The following MARVELD3 variants were observed in gnomAD, a reference collection of about 807,000 sequenced individuals.
MARVELD3 encodes the protein MARVEL domain-containing protein 3.
A neutral mutation model predicts 33.5 loss-of-function variants in MARVELD3; 28 were observed. The observed-to-expected ratio is 0.84, with a 90% CI of 0.62 to 1.15. The LOEUF is 1.15. Ranked by LOEUF, MARVELD3 falls within the 50% of genes most tolerant of loss-of-function variation. The pLI, the probability that MARVELD3 is intolerant of heterozygous loss-of-function variation, is 0.00. For synonymous variants in MARVELD3, 241 were observed against 230.4 expected (o/e 1.05, Z -0.42); for missense variants, 582 against 547.6 (o/e 1.06, Z -0.63).
intron 2 of MARVELD3, among the ~76,000 whole-genome samples, chr16:71,632,122 TCTTTC>T (rs2044539513): frequency 1.3e-5 from 2 of 152,240 alleles, no homozygotes; most frequent in Non-Finnish European, 1.5e-5. Context: ...TTTCTAACCT[TCTTTC>T]CTTTCATACA....
In MARVELD3 at chr16:71,626,709, G is replaced by T. The variant is rs945198185; in HGVS notation, c.467+13G>T. On this transcript the variant is annotated intron_variant, in intron 1 of 2. Coordinates refer to ENST00000268485, the MANE Select transcript of MARVELD3 (RefSeq NM_052858.6). This position sits in a 1 kb window ranked among gnomAD's most constrained non-coding sequence, Gnocchi z 5.3. ...GCAGACCCGAAAGGTGAGAGGGGCC[G>T]GGGCGCTGCGACCTCCGCGCCGGGG... 1.4e-6 allele frequency: 2 copies of T among 1,440,132 alleles called. No individual in the cohort carries two copies. Among genetic ancestry groups the T allele is most frequent in the South Asian group, 1.5e-5 (1 of 67,274 alleles). The allele number at this position is 1,440,132 out of a possible 1,614,324, so 89.2% of individuals were successfully genotyped here.
chr16:71,641,035 C>T (rs774098515), downstream of MARVELD3: 30 of 1,591,492 alleles, frequency 1.9e-5, no homozygotes, highest in Admixed American at 1.6e-4. Context: ...TGAGATCTTC[C>T]GGAACCTAAA....
At chr16:71,628,178 C>G (rs894438655) in intron 1 of MARVELD3, among the ~76,000 whole-genome samples, 2 of 152,210 alleles carry the variant, frequency 1.3e-5, no homozygotes. Context: ...TGACTAAAGC[C>G]CATTGCACTT....
At chr16:71,639,473 G>C (rs1047434020), downstream of MARVELD3, 6 of 134,692 alleles carry the variant, frequency 4.5e-5, no homozygotes, top group African/African-American at 1.7e-4. Context: ...TTGAGATGGA[G>C]TCTCGCTTTG....
chr16:71,629,670 A>C, intron 2 of MARVELD3, 176 bp downstream of exon 2: 1 of 611,654 alleles, frequency 1.6e-6, no homozygotes, highest in Non-Finnish European at 2.5e-6. Flanking sequence ...AAAAGGAGGA[A>C]CGTCTCAAAA....
In MARVELD3 at chr16:71,626,303, C is replaced by G. The variant is rs1597072182; in HGVS notation, c.74C>G (p.Pro25Arg). Reference protein sequence around the residue: ...RERDPGRRPHPDQGRTHDRPR... With the variant: ...RERDPGRRPHRDQGRTHDRPR... Reference sequence around the variant, plus strand: ...CGGGACCCGGGACGGCGCCCCCACCCAGACCAAGGCCGCACCCACGATCGA... The same window carrying G: ...CGGGACCCGGGACGGCGCCCCCACCGAGACCAAGGCCGCACCCACGATCGA... Residue 25 changes from proline to arginine, a missense_variant, in exon 1 of 3, where the codon CCA becomes CGA. Transcript: ENST00000268485. The surrounding 1 kb of genome is among the most constrained non-coding windows in gnomAD (Gnocchi z 5.3). The G allele has an allele frequency of 6.5e-7, 1 of 1,547,674 alleles. No homozygotes were observed. The highest frequency in any genetic ancestry group is 8.7e-7 in the Non-Finnish European group (1 of 1,146,134).
chr16:71,634,607 G>A lies in MARVELD3; in HGVS notation c.1010G>A (p.Cys337Tyr), dbSNP rs202199955. Residue 337 changes from cysteine (C) to tyrosine (Y), a missense_variant, in exon 3 of 3, where the codon TGT (cysteine) becomes TAT (tyrosine). Coordinates refer to ENST00000268485, the MANE Select transcript of MARVELD3 (RefSeq NM_052858.6). The part of the protein sequence containing the change: ...YLSAAYGSPV[C>Y]KERQALYQSK... ...TCTGCTGCCTATGGCTCTCCTGTGT[G>A]TAAAGAGAGGCAGGCGCTGTACCAA... The A allele has an allele frequency of 2.5e-4, 399 of 1,614,220 alleles. No homozygotes were observed. The highest frequency in any genetic ancestry group is 1.1e-4 in the Non-Finnish European group (132 of 1,180,036).
Position 71,634,325 on chromosome 16 carries a change from C to T in MARVELD3, c.728C>T (p.Ala243Val), listed in dbSNP as rs1254277555. Residue 243 changes from alanine (A) to valine (V), a missense_variant, in exon 3 of 3, where the codon GCT (alanine) becomes GTT (valine). By Grantham distance (64) the Ala-to-Val change is moderately conservative. Coordinates refer to ENST00000268485, the MANE Select transcript of MARVELD3 (RefSeq NM_052858.6). ...GGIYYYQFGG[A>V]YSGFDGADGE... is the part of the protein sequence containing the mutation. ...ATTTACTACTATCAGTTCGGAGGGG[C>T]TTACAGTGGCTTTGATGGTGCTGAC... is the stretch of plus-strand genomic sequence containing the variant. 2 of 1,614,164 alleles carry T rather than the reference C, an allele frequency of 1.2e-6. No homozygotes were observed. Among genetic ancestry groups the T allele is most frequent in the Admixed American group, 1.7e-5 (1 of 60,016 alleles).
At chr16:71,641,753 C>T (rs1448709917) in exon 3 of MARVELD3, 1 of 151,958 alleles carries the variant, frequency 6.6e-6, no homozygotes, top group African/African-American at 2.4e-5. Context: ...GGCTCTGTCT[C>T]AAAAACAACA....
chr16:71,629,919 G>T (rs1047442124), intron 2 of MARVELD3, among the ~76,000 whole-genome samples: 1 of 152,034 alleles, frequency 6.6e-6, no homozygotes, highest in African/African-American at 2.4e-5. Context: ...AAGATCTGAC[G>T]CCCAACATTT....
At chr16:71,632,588 CT>C (rs57497312) in intron 2 of MARVELD3, among the ~76,000 whole-genome samples, 386 of 146,450 alleles carry the variant, frequency 2.6e-3, no homozygotes, top group South Asian at 8.7e-3. Flanking sequence ...TTTCCTATTT[CT>C]TTTTTTTTTT....
chr16:71,629,567 A>C lies in MARVELD3; in HGVS notation c.595+73A>C, dbSNP rs780940295. 8.6e-5 allele frequency: 125 copies of C among 1,456,460 alleles called. No individual in the cohort carries two copies. In the Middle Eastern group the frequency reaches 1.4e-3, roughly 17 times the overall value. The allele number at this position is 1,456,460 out of a possible 1,614,324, so 90.2% of individuals were successfully genotyped here. On this transcript the variant is annotated intron_variant, in intron 2 of 2. Coordinates refer to ENST00000268485, the MANE Select transcript of MARVELD3 (RefSeq NM_052858.6). ...CTGGAAGGGATGGTCTGAGCTGGTG[A>C]AGCAAAAATTTAAGCAGATTCCCTT...
chr16:71,630,492 C>A (rs182618124), intron 2 of MARVELD3, among the ~76,000 whole-genome samples: 1,636 of 151,302 alleles, frequency 0.011, 11 homozygotes, highest in Non-Finnish European at 0.018. Flanking sequence ...GGGGTGGTGG[C>A]TCATGCCTGT....
At chr16:71,640,895 C>T (rs375582710), downstream of MARVELD3, 18 of 1,614,164 alleles carry the variant, frequency 1.1e-5, no homozygotes, top group African/African-American at 4.0e-5. Context: ...CTTGTCTTCT[C>T]GTGATCATGT....
At chr16:71,629,205 G>A in intron 1 of MARVELD3, 162 bp from the exon 2 acceptor site, 1 of 734,462 alleles carries the variant, frequency 1.4e-6, no homozygotes, top group Non-Finnish European at 2.0e-6. Context: ...GATGTCCCGT[G>A]GGGCCACTAA....
intron 2 of MARVELD3, chr16:71,629,788 G>C (rs769439913): frequency 1.9e-5 from 8 of 412,442 alleles, no homozygotes; most frequent in Non-Finnish European, 2.5e-5. Flanking sequence ...GAGGCCTGTA[G>C]GTGGAACTGG....
At chr16:71,629,728 C>A in intron 2 of MARVELD3, 1 of 478,002 alleles carries the variant, frequency 2.1e-6, no homozygotes, top group Non-Finnish European at 3.5e-6. Flanking sequence ...CCTGGGTTTG[C>A]AAAGGCAAGC....
rs2044567976 is a variant in MARVELD3, at chr16:71,634,783, G to T, written c.1186G>T (p.Ala396Ser). The part of the protein sequence containing the change: ...RKVRKLKEKP[A>S]EMFEF ...AGTTAGGAAGCTAAAAGAGAAGCCA[G>T]CAGAAATGTTTGAATTTTAAGGGTT... is the stretch of plus-strand genomic sequence containing the variant. Residue 396 changes from alanine (A) to serine (S), a missense_variant, in exon 3 of 3, where the codon GCA (alanine) becomes TCA (serine). Transcript: ENST00000268485. 3.1e-6 allele frequency: 5 copies of T among 1,600,328 alleles called. No individual in the cohort carries two copies. Among genetic ancestry groups the T allele is most frequent in the Non-Finnish European group, 4.3e-6 (5 of 1,174,760 alleles).
chr16:71,635,224 G>C lies in MARVELD3; in HGVS notation c.*421G>C, dbSNP rs2044572473. 1 of 806,180 alleles carries C rather than the reference G, an allele frequency of 1.2e-6. No homozygotes were observed. The highest frequency in any genetic ancestry group is 1.9e-5 in the African/African-American group (1 of 53,380). 49.9% of individuals were successfully genotyped at this position (806,180 alleles called of 1,614,324 possible). On this transcript the variant is annotated 3_prime_UTR_variant, in exon 3 of 3. Coordinates refer to ENST00000268485, the MANE Select transcript of MARVELD3 (RefSeq NM_052858.6). The stretch of plus-strand genomic sequence containing the variant: ...GGCGCCTGTAATCCCAGCTACTTGG[G>C]AGGCTGAGGCAGGAGAATCGCTTGA...
Sources: gnomAD v4.1 joint callset for allele counts (sites outside exome capture counted in the v4.1 genomes callset) on GRCh38, gnomAD v4.1.1 for gene constraint, Gnocchi (gnomAD v3.1) non-coding constraint, MANE v1.5 for transcripts, NCBI Gene and HGNC (gene_info 2026-07-23, HGNC 2026-07-21) for gene names.